Variants in AKR1D1 observed in about 807,000 individuals in gnomAD.
AKR1D1 encodes delta(4)-3-ketosteroid 5-beta-reductase.
A neutral mutation model predicts 42.6 loss-of-function variants in AKR1D1; 32 were observed. The ratio of observed to expected loss-of-function variants is 0.75; its 90% CI spans 0.57 to 1.01. The LOEUF is 1.01. AKR1D1 is among the 50% of genes least tolerant of loss of function. The probability of loss-of-function intolerance (pLI) is 0.00; values close to 1 mark genes in which losing one functional copy is unlikely to be tolerated. For synonymous variants in AKR1D1, 123 were observed against 135.5 expected (o/e 0.91, Z 0.64); for missense variants, 364 against 402.2 (o/e 0.91, Z 0.81).
intron 4 of AKR1D1, among the ~76,000 whole-genome samples, chr7:138,100,111 A>AAAAAAAAC (rs1393536883): frequency 3.1e-5 from 4 of 127,602 alleles, no homozygotes; most frequent in African/African-American, 1.2e-4. Flanking sequence ...AAAAAAAAAA[A>AAAAAAAAC]AAAAAAACAT....
chr7:138,088,902 G>A, intron 2 of AKR1D1, 134 bp downstream of exon 2: 2 of 882,386 alleles, frequency 2.3e-6, no homozygotes, highest in Non-Finnish European at 3.4e-6. Context: ...GTTTGGGTTT[G>A]TTTGTTTGTT....
chr7:138,097,475 A>G (rs920698539), intron 3 of AKR1D1, among the ~76,000 whole-genome samples: 2 of 152,260 alleles, frequency 1.3e-5, no homozygotes, highest in African/African-American at 4.8e-5. Flanking sequence ...AGAATTACAC[A>G]GTCACAAGGC....
intron 1 of AKR1D1, among the ~76,000 whole-genome samples, chr7:138,085,054 C>CAAAAAAAAAAA (rs58253168): frequency 5.6e-5 from 4 of 70,822 alleles, no homozygotes; most frequent in African/African-American, 2.4e-4. Context: ...GACTCCGTCT[C>CAAAAAAAAAAA]AAAAAAAAAA....
intron 4 of AKR1D1, among the ~76,000 whole-genome samples, chr7:138,102,016 G>T (rs1794328537): frequency 6.6e-6 from 1 of 152,080 alleles, no homozygotes; most frequent in South Asian, 2.1e-4. Context: ...TTCGAGACCA[G>T]CCTGGGCAAC....
chr7:138,088,450 G>A (rs1793982193), intron 1 of AKR1D1, 151 bp from the exon 2 acceptor site: 3 of 956,356 alleles, frequency 3.1e-6, no homozygotes, highest in African/African-American at 3.2e-5. Context: ...TTCTCCTGCT[G>A]CTGAACACCA....
intron 8 of AKR1D1, among the ~76,000 whole-genome samples, chr7:138,115,392 G>A (rs1339283657): frequency 6.6e-6 from 1 of 152,100 alleles, no homozygotes; most frequent in East Asian, 1.9e-4. Flanking sequence ...CTAAGGCTAC[G>A]CTCCAGCCTG....
At position 138,085,341 on chromosome 7, in the gene AKR1D1, T is replaced by C. The variant is rs530532138; in HGVS notation, c.94-3260T>C. Among the ~76,000 whole-genome samples, 9 of 152,186 alleles carry C rather than the reference T, an allele frequency of 5.9e-5. No individual in the cohort carries two copies. The South Asian group carries it at 1.7e-3, about 28-fold the overall frequency. ...ACTACTATAACTTGCTTCTGTGCCATAATCCTTATTAAATGAGTCATCATC... is the reference window on the plus strand; with the variant it reads ...ACTACTATAACTTGCTTCTGTGCCACAATCCTTATTAAATGAGTCATCATC... On this transcript the variant is annotated intron_variant, in intron 1 of 8. Coordinates refer to ENST00000242375, the MANE Select transcript of AKR1D1 (RefSeq NM_005989.4).
chr7:138,107,700 C>A, intron 7 of AKR1D1, 120 bp downstream of exon 7: 1 of 1,087,146 alleles, frequency 9.2e-7, no homozygotes, highest in Non-Finnish European at 1.4e-6. Context: ...TTATACCAGC[C>A]CCTTGACCCA....
rs1444409884 is a variant in AKR1D1, at chr7:138,111,332, C to A, written c.856-2358C>A. On this transcript the variant is annotated intron_variant, in intron 7 of 8. Transcript: ENST00000242375. ...CAAACATCTGGAAAGAGAAGTTGTT[C>A]TCGCTGCTTCCCATTCCCTTCCCCC... is the stretch of plus-strand genomic sequence containing the variant. 2.0e-5 allele frequency among the ~76,000 whole-genome samples: 3 copies of A among 152,182 alleles called. No individual in the cohort carries two copies. The East Asian group carries it at 5.8e-4, about 29-fold the overall frequency.
At chr7:138,082,200 G>A (rs1000775900) in intron 1 of AKR1D1, among the ~76,000 whole-genome samples, 22 of 152,198 alleles carry the variant, frequency 1.4e-4, no homozygotes, top group African/African-American at 3.9e-4. Context: ...CTACTGATGC[G>A]TCCATTTAAT....
At chr7:138,077,543 G>A (rs1585716234) in intron 1 of AKR1D1, among the ~76,000 whole-genome samples, 1 of 152,170 alleles carries the variant, frequency 6.6e-6, no homozygotes, top group African/African-American at 2.4e-5. Context: ...TATCAGCATA[G>A]AAATGGAAAT....
At chr7:138,114,051 T>C (rs1055441868) in intron 8 of AKR1D1, among the ~76,000 whole-genome samples, 3 of 152,326 alleles carry the variant, frequency 2.0e-5, no homozygotes, top group Middle Eastern at 3.4e-3. Context: ...AATTAATTCA[T>C]CATGTACATA....
At chr7:138,096,278 A>G (rs981243903) in intron 3 of AKR1D1, among the ~76,000 whole-genome samples, 1 of 152,176 alleles carries the variant, frequency 6.6e-6, no homozygotes, top group African/African-American at 2.4e-5. Context: ...AGAAAAAAAA[A>G]AGAATGCCTG....
At chr7:138,095,210 T>C (rs1449392459) in intron 3 of AKR1D1, among the ~76,000 whole-genome samples, 2 of 152,198 alleles carry the variant, frequency 1.3e-5, no homozygotes, top group African/African-American at 2.4e-5. Context: ...GAATTCATGA[T>C]GGAGGCATAA....
At chr7:138,105,159 C>A in intron 4 of AKR1D1, 148 bp from the exon 5 acceptor site, 6 of 1,057,952 alleles carry the variant, frequency 5.7e-6, no homozygotes, top group Non-Finnish European at 8.5e-6. Flanking sequence ...TGCCTTTTCC[C>A]ACCATCCTTC....
At position 138,097,868 on chromosome 7, in the gene AKR1D1, A is replaced by G; in HGVS notation, c.381A>G (p.Pro127=). 6.4e-7 allele frequency: 1 copy of G among 1,559,140 alleles called. No homozygotes were observed. The highest frequency in any genetic ancestry group is 8.8e-7 in the Non-Finnish European group (1 of 1,138,928). Residue 127 remains proline (P), a splice_region_variant and synonymous_variant, in exon 4 of 9, where the codon CCA becomes CCG. Coordinates refer to ENST00000242375, the MANE Select transcript of AKR1D1 (RefSeq NM_005989.4). ...YIIEVPMAFK[P]GDEIYPRDEN... is the part of the protein sequence containing the mutation. ...TATTCTTTTTTTTTTTTTTTCAGCC[A>G]GGAGATGAAATATACCCTAGAGATG...
intron 4 of AKR1D1, among the ~76,000 whole-genome samples, chr7:138,102,719 G>A (rs1195824997): frequency 6.6e-6 from 1 of 152,170 alleles, no homozygotes; most frequent in African/African-American, 2.4e-5. Context: ...CACATATATG[G>A]TCAGTTGATT....
intron 1 of AKR1D1, among the ~76,000 whole-genome samples, chr7:138,085,926 T>A (rs544478515): frequency 6.6e-6 from 1 of 152,040 alleles, no homozygotes; most frequent in East Asian, 1.9e-4. Flanking sequence ...GAGATTCTAT[T>A]TACCATCTAG....
chr7:138,116,266 G>A (rs985484380), intron 8 of AKR1D1, among the ~76,000 whole-genome samples: 1 of 152,200 alleles, frequency 6.6e-6, no homozygotes, highest in Non-Finnish European at 1.5e-5. Context: ...TAGTGGATTG[G>A]AGAAGGAGGC....
Sources: allele counts gnomAD v4.1 joint callset (sites outside exome capture counted in the v4.1 genomes callset), GRCh38; gene constraint gnomAD v4.1.1; transcripts MANE v1.5; gene names NCBI Gene and HGNC (gene_info 2026-07-23, HGNC 2026-07-21).